ITGAV: variants seen among roughly 807,000 people sequenced by gnomAD.
The protein encoded by ITGAV is integrin subunit alpha V, also known as integrin alpha-V.
Under a neutral mutation model 143.8 loss-of-function variants are expected in ITGAV, and 76 were observed. The ratio of observed to expected loss-of-function variants is 0.53; its 90% CI spans 0.44 to 0.64. The LOEUF is 0.64. Among genes scored for constraint, ITGAV ranks in the 30% least tolerant of loss-of-function variants. ITGAV has a pLI of 0.00. For missense variants in ITGAV, 1,193 were observed against 1,274.7 expected, an observed-to-expected ratio of 0.94 and a Z score of 0.98; for synonymous variants, 453 against 446.7, an observed-to-expected ratio of 1.01 and a Z score of -0.18.
At chr2:186,616,874 A>AATAAGTATGCTAATCC (rs1687378943) in intron 2 of ITGAV, among the ~76,000 whole-genome samples, 1 of 152,168 alleles carries the variant, frequency 6.6e-6, no homozygotes, top group Non-Finnish European at 1.5e-5. Flanking sequence ...TTTACCTAAT[A>AATAAGTATGCTAATCC]AATAAGCATA....
chr2:186,665,883 C>CTA lies in ITGAV; in HGVS notation c.2166+667_2166+668dup, dbSNP rs377711576. Among the ~76,000 whole-genome samples the CTA allele has an allele frequency of 3.0e-3, 463 of 152,200 alleles. 4 individuals carry two copies. The highest frequency in any genetic ancestry group is 0.01 in the African/African-American group (432 of 41,542). Reference sequence around the variant, plus strand: ...ATTCCATATTTCTTTAGTATGTTTTCTATTACAAGTCATTAGTATTTCTAG... The same window carrying CTA: ...ATTCCATATTTCTTTAGTATGTTTTCTATATTACAAGTCATTAGTATTTCTAG... On this transcript the variant is annotated intron_variant, in intron 21 of 29. Transcript: ENST00000261023.
chr2:186,593,035 C>G (rs1056239753), intron 1 of ITGAV, among the ~76,000 whole-genome samples: 2 of 151,908 alleles, frequency 1.3e-5, no homozygotes, highest in African/African-American at 4.8e-5. Context: ...CCAATATTAC[C>G]AGTTGGATTT....
chr2:186,612,871 A>C (rs1263674904), intron 2 of ITGAV, among the ~76,000 whole-genome samples: 2 of 152,174 alleles, frequency 1.3e-5, no homozygotes, highest in Non-Finnish European at 2.9e-5. Flanking sequence ...ATACAAAACA[A>C]ATTTATACTA....
In ITGAV at chr2:186,648,789, G is replaced by A. The variant is rs543953703; in HGVS notation, c.1352-1051G>A. Among the ~76,000 whole-genome samples, 20 of 151,892 alleles carry A rather than the reference G, an allele frequency of 1.3e-4. No individual in the cohort carries two copies. The East Asian group carries it at 3.7e-3, about 28-fold the overall frequency. On this transcript the variant is annotated intron_variant, in intron 13 of 29. Transcript: ENST00000261023. ...ATTACAGGCATGAGCCACCACACCC[G>A]GCCATCAGGTTGATTCTTAACTATA...
intron 5 of ITGAV, among the ~76,000 whole-genome samples, chr2:186,631,217 G>A (rs1195101559): frequency 1.3e-5 from 2 of 152,024 alleles, no homozygotes; most frequent in Admixed American, 6.6e-5. Context: ...TCTTACAAAA[G>A]CTATCAATGA....
chr2:186,607,257 G>T (rs914373796), intron 2 of ITGAV, among the ~76,000 whole-genome samples: 6 of 152,002 alleles, frequency 3.9e-5, no homozygotes, highest in Non-Finnish European at 1.5e-5. Flanking sequence ...TTTAATATTT[G>T]GGAAGTAATT....
chr2:186,635,248 CAGAATTGTCGTTGTT>C (rs1199823916), intron 6 of ITGAV, among the ~76,000 whole-genome samples: 1 of 152,114 alleles, frequency 6.6e-6, no homozygotes, highest in African/African-American at 2.4e-5. Flanking sequence ...TCACAGATCT[CAGAATTGTCGTTGTT>C]AGAATGGAGA....
intron 27 of ITGAV, 38 bp downstream of exon 27, chr2:186,675,755 G>A (rs1188623684): frequency 2.6e-6 from 4 of 1,553,620 alleles, no homozygotes; most frequent in Non-Finnish European, 3.6e-6. Context: ...AACATACCCA[G>A]TGTTTTCAAA....
At chr2:186,614,765 T>A in intron 2 of ITGAV, among the ~76,000 whole-genome samples, 1 of 152,132 alleles carries the variant, frequency 6.6e-6, no homozygotes, top group African/African-American at 2.4e-5. Flanking sequence ...TAATTAATTT[T>A]GAAAAAGTCA....
intron 7 of ITGAV, 119 bp from the exon 8 acceptor site, chr2:186,636,946 C>A: frequency 3.8e-6 from 3 of 788,600 alleles, no homozygotes; most frequent in East Asian, 2.5e-5. Flanking sequence ...GACTAGGGGA[C>A]AAAATATTGC....
chr2:186,641,750 T>C, intron 12 of ITGAV, 162 bp downstream of exon 12: 1 of 602,994 alleles, frequency 1.7e-6, no homozygotes, highest in South Asian at 2.1e-5. Flanking sequence ...AGTTTGCTAT[T>C]TTTCTTTAAA....
intron 23 of ITGAV, 118 bp from the exon 24 acceptor site, chr2:186,667,553 A>G: frequency 1.9e-6 from 1 of 537,950 alleles, no homozygotes; most frequent in South Asian, 4.2e-5. Context: ...CTTTTAAAGT[A>G]TTTTTTAAAA....
chr2:186,670,099 C>A, intron 26 of ITGAV: 1 of 375,466 alleles, frequency 2.7e-6, no homozygotes, highest in Non-Finnish European at 4.8e-6. Context: ...CTCCTAATCT[C>A]TGAGGCTTTA....
At chr2:186,657,503 A>C (rs143259143) in intron 17 of ITGAV, among the ~76,000 whole-genome samples, 1 of 152,328 alleles carries the variant, frequency 6.6e-6, no homozygotes, top group East Asian at 1.9e-4. Flanking sequence ...CAAAAACAAG[A>C]TCATAATGGA....
chr2:186,637,553 A>C (rs1687981872), intron 8 of ITGAV, among the ~76,000 whole-genome samples: 1 of 152,176 alleles, frequency 6.6e-6, no homozygotes, highest in African/African-American at 2.4e-5. Flanking sequence ...GGAATATAAC[A>C]GAAGAAATGA....
At chr2:186,593,631 A>C (rs1011701591) in intron 1 of ITGAV, among the ~76,000 whole-genome samples, 2 of 151,990 alleles carry the variant, frequency 1.3e-5, no homozygotes, top group Non-Finnish European at 2.9e-5. Context: ...ATTTTGGTAA[A>C]CATATTTTAT....
At chr2:186,676,381 C>T (rs1301870632) in intron 28 of ITGAV, 2 of 168,992 alleles carry the variant, frequency 1.2e-5, no homozygotes, top group Non-Finnish European at 2.5e-5. Flanking sequence ...ACAGGTGGAT[C>T]ATTTGAGGCC....
intron 4 of ITGAV, among the ~76,000 whole-genome samples, chr2:186,627,240 C>G (rs1302291203): frequency 6.6e-6 from 1 of 152,114 alleles, no homozygotes; most frequent in Non-Finnish European, 1.5e-5. Context: ...GCTGCTATGA[C>G]CTACTTTCAC....
intron 2 of ITGAV, among the ~76,000 whole-genome samples, chr2:186,613,550 G>T (rs1184313655): frequency 6.6e-6 from 1 of 151,988 alleles, no homozygotes; most frequent in South Asian, 2.1e-4. Context: ...CATGTCCATG[G>T]ATTATGGTTG....
Sources: allele counts gnomAD v4.1 joint callset (sites outside exome capture counted in the v4.1 genomes callset), GRCh38; gene constraint gnomAD v4.1.1; transcripts MANE v1.5; gene names NCBI Gene and HGNC (gene_info 2026-07-23, HGNC 2026-07-21).